Variants in ABCB1 observed in about 807,000 individuals in gnomAD.
The protein encoded by ABCB1 is ATP-dependent translocase ABCB1.
Under a neutral mutation model 142.0 loss-of-function variants are expected in ABCB1, and 69 were observed. The observed-to-expected ratio is 0.49, with a 90% CI of 0.40 to 0.59. ABCB1 has a LOEUF of 0.59. Ranked by LOEUF, ABCB1 falls within the 20% of genes least tolerant of loss-of-function variation. The pLI, the probability that ABCB1 is intolerant of heterozygous loss-of-function variation, is 0.00. For synonymous variants in ABCB1, 532 were observed against 539.2 expected, an observed-to-expected ratio of 0.99 and a Z score of 0.18; for missense variants, 1,326 against 1,554.7, an observed-to-expected ratio of 0.85 and a Z score of 2.47.
chr7:87,540,490 G>A (rs1816488942), intron 18 of ABCB1, among the ~76,000 whole-genome samples: 1 of 152,090 alleles, frequency 6.6e-6, no homozygotes, highest in South Asian at 2.1e-4. Context: ...GCCCAGGCTG[G>A]AGTGCAGTGG....
chr7:87,690,871 T>C (rs1827948427), intron 1 of ABCB1, among the ~76,000 whole-genome samples: 2 of 152,104 alleles, frequency 1.3e-5, no homozygotes, highest in Admixed American at 1.3e-4. Flanking sequence ...TTTTCCATAT[T>C]CCATCTTGGT....
At chr7:87,524,624 T>C (rs1291309648) in intron 21 of ABCB1, among the ~76,000 whole-genome samples, 2 of 152,000 alleles carry the variant, frequency 1.3e-5, no homozygotes, top group African/African-American at 4.8e-5. Context: ...TTAGGAGATA[T>C]ACCTAATGTT....
At chr7:87,683,063 A>AT (rs1253056644) in intron 1 of ABCB1, among the ~76,000 whole-genome samples, 2 of 152,016 alleles carry the variant, frequency 1.3e-5, no homozygotes, top group Non-Finnish European at 2.9e-5. Context: ...TATTATTATT[A>AT]TTTTTTTATG....
At chr7:87,550,614 A>T (rs762627809) in intron 10 of ABCB1, 36 bp from the exon 11 acceptor site, 1 of 1,591,374 alleles carries the variant, frequency 6.3e-7, no homozygotes, top group South Asian at 1.1e-5. Context: ...TTACTAGGTT[A>T]CAATAACTAC....
intron 23 of ABCB1, among the ~76,000 whole-genome samples, chr7:87,517,216 C>G (rs928498756): frequency 1.5e-4 from 23 of 152,222 alleles, no homozygotes; most frequent in African/African-American, 5.5e-4. Context: ...TGCACTGTGA[C>G]CTTTGCAGCA....
chr7:87,677,463 C>CA (rs1481964323), intron 1 of ABCB1, among the ~76,000 whole-genome samples: 1 of 151,850 alleles, frequency 6.6e-6, no homozygotes, highest in African/African-American at 2.4e-5. Context: ...GATATGGAGC[C>CA]TAAAAATAGT....
chr7:87,682,078 A>T (rs1826981043), intron 1 of ABCB1, among the ~76,000 whole-genome samples: 1 of 152,240 alleles, frequency 6.6e-6, no homozygotes, highest in Non-Finnish European at 1.5e-5. Flanking sequence ...CACCAGGAGT[A>T]CATTCCATTT....
At chr7:87,614,242 A>G (rs1819955394) in intron 1 of ABCB1, among the ~76,000 whole-genome samples, 1 of 152,136 alleles carries the variant, frequency 6.6e-6, no homozygotes, top group African/African-American at 2.4e-5. Context: ...AAGAAAAATT[A>G]ACAAATTAGC....
At chr7:87,644,877 C>T (rs1822825548) in intron 1 of ABCB1, among the ~76,000 whole-genome samples, 1 of 151,792 alleles carries the variant, frequency 6.6e-6, no homozygotes, top group South Asian at 2.1e-4. Context: ...TTTGTCCTCA[C>T]ATTTAAAATT....
chr7:87,630,687 T>C (rs547121589), intron 1 of ABCB1, among the ~76,000 whole-genome samples: 5 of 150,212 alleles, frequency 3.3e-5, no homozygotes, highest in South Asian at 4.2e-4. Flanking sequence ...TTTTGCTTAG[T>C]CTTTTTTTTT....
intron 4 of ABCB1, among the ~76,000 whole-genome samples, chr7:87,583,938 G>A (rs117712673): frequency 2.0e-5 from 3 of 152,236 alleles, no homozygotes; most frequent in East Asian, 1.9e-4. Context: ...GAGAGCTAAC[G>A]CCACAGAATA....
chr7:87,536,673 T>C (rs1419215346), intron 19 of ABCB1, 132 bp from the exon 20 acceptor site: 6 of 758,238 alleles, frequency 7.9e-6, no homozygotes, highest in Non-Finnish European at 1.4e-5. Context: ...TGACATTCAA[T>C]ACACAAGAAA....
At position 87,585,616 on chromosome 7, in the gene ABCB1, T is replaced by C; in HGVS notation, c.182A>G (p.His61Arg). The change falls in exon 4 of 28, where the codon CAT (histidine) becomes CGT (arginine). Residue 61 changes from histidine to arginine, a missense_variant. By Grantham distance (29) the His-to-Arg change is conservative. Transcript: ENST00000622132. Reference protein sequence around the residue: ...MVVGTLAAIIHGAGLPLMMLV... With the variant: ...MVVGTLAAIIRGAGLPLMMLV... ...CATCATGAGAGGAAGTCCAGCCCCA[T>C]GGATGATGGCAGCCAAAGTTCCCAC... 1 of 1,614,050 alleles carries C rather than the reference T, an allele frequency of 6.2e-7. No individual in the cohort carries two copies. Among genetic ancestry groups the C allele is most frequent in the Non-Finnish European group, 8.5e-7 (1 of 1,179,930 alleles).
chr7:87,597,757 G>C (rs1819263355), intron 2 of ABCB1, among the ~76,000 whole-genome samples: 1 of 152,060 alleles, frequency 6.6e-6, no homozygotes. Context: ...GCAATTACAT[G>C]TTCTCCTACC....
At chr7:87,656,928 G>A (rs1824163085) in intron 1 of ABCB1, among the ~76,000 whole-genome samples, 1 of 152,020 alleles carries the variant, frequency 6.6e-6, no homozygotes, top group Non-Finnish European at 1.5e-5. Context: ...ACTGTTGTAA[G>A]TGCTGGGCAT....
intron 1 of ABCB1, among the ~76,000 whole-genome samples, chr7:87,680,751 C>T (rs867417831): frequency 7.4e-5 from 11 of 149,512 alleles, no homozygotes; most frequent in Middle Eastern, 3.4e-3. Context: ...GCCAAGATCG[C>T]GCCATTGCAC....
At chr7:87,586,479 A>G (rs1002463413) in intron 3 of ABCB1, among the ~76,000 whole-genome samples, 1 of 152,214 alleles carries the variant, frequency 6.6e-6, no homozygotes, top group Non-Finnish European at 1.5e-5. Context: ...GAAAAAAAAC[A>G]GAAATGGGGT....
intron 1 of ABCB1, chr7:87,651,014 T>A: frequency 3.7e-6 from 3 of 812,772 alleles, no homozygotes; most frequent in Non-Finnish European, 6.1e-6. Context: ...AATCATACAG[T>A]CTGTGTGACT....
chr7:87,701,077 A>T (rs1366458121), intron 1 of ABCB1, among the ~76,000 whole-genome samples: 1 of 152,210 alleles, frequency 6.6e-6, no homozygotes, highest in Non-Finnish European at 1.5e-5. Flanking sequence ...TGAGTAATAA[A>T]ATGGGAAGTA....
Sources: gnomAD v4.1 joint callset for allele counts (sites outside exome capture counted in the v4.1 genomes callset) on GRCh38, gnomAD v4.1.1 for gene constraint, MANE v1.5 for transcripts, NCBI Gene and HGNC (gene_info 2026-07-23, HGNC 2026-07-21) for gene names.